The following DENND5B variants were observed in gnomAD, a reference collection of about 807,000 sequenced individuals.
DENND5B encodes the protein DENN domain-containing protein 5B.
Under a neutral mutation model 140.6 loss-of-function variants are expected in DENND5B, and 34 were observed. That is an observed-to-expected ratio of 0.24 (90% CI 0.18 to 0.32). The LOEUF is 0.32. Among genes scored for constraint, DENND5B ranks in the 10% least tolerant of loss-of-function variants. The probability of loss-of-function intolerance (pLI) is 1.00; values close to 1 mark genes in which losing one functional copy is unlikely to be tolerated. For missense variants in DENND5B, 1,142 were observed against 1,560.2 expected, an observed-to-expected ratio of 0.73 and a Z score of 4.52; for synonymous variants, 551 against 562.1, an observed-to-expected ratio of 0.98 and a Z score of 0.28.
intron 1 of DENND5B, among the ~76,000 whole-genome samples, chr12:31,523,030 G>A (rs1227996236): frequency 1.3e-5 from 2 of 151,718 alleles, no homozygotes; most frequent in Non-Finnish European, 2.9e-5. Context: ...GAATAGGAGG[G>A]AAGGTGAGAT....
chr12:31,392,192 C>A, intron 19 of DENND5B, 75 bp downstream of exon 19: 1 of 1,535,214 alleles, frequency 6.5e-7, no homozygotes, highest in Non-Finnish European at 8.9e-7. Flanking sequence ...CCCTTATTCA[C>A]TCAGATTCCT....
rs12821800 is a variant in DENND5B, at chr12:31,456,199, G to A, written c.1093-3723C>T. On this transcript the variant is annotated intron_variant, in intron 4 of 20. Coordinates refer to ENST00000389082, the MANE Select transcript of DENND5B (RefSeq NM_144973.4). ...ACAAAAATTAGCGAAGTGTGGTGGC[G>A]TGCACCTGTAATCCCAGCTATTTGG... Among the ~76,000 whole-genome samples, 318 of 151,624 alleles carry A rather than the reference G, an allele frequency of 2.1e-3. 1 individual carries two copies. The highest frequency in any genetic ancestry group is 3.9e-3 in the Non-Finnish European group (264 of 67,866).
chr12:31,558,878 C>T (rs1438338613), intron 1 of DENND5B, among the ~76,000 whole-genome samples: 2 of 152,186 alleles, frequency 1.3e-5, no homozygotes, highest in African/African-American at 2.4e-5. Flanking sequence ...ATGCAACTAA[C>T]ACCATTTCAT....
In DENND5B at chr12:31,428,260, T is replaced by C. The variant is rs1358261288; in HGVS notation, c.2107-1836A>G. Among the ~76,000 whole-genome samples, 3 of 151,016 alleles carry C rather than the reference T, an allele frequency of 2.0e-5. No individual in the cohort carries two copies. The East Asian group carries it at 5.9e-4, about 30-fold the overall frequency. On this transcript the variant is annotated intron_variant, in intron 8 of 20. Coordinates refer to ENST00000389082, the MANE Select transcript of DENND5B (RefSeq NM_144973.4). ...GGGAGGCTGAGGCAGGAGAATTGCT[T>C]GAACCTGGGAGGCGGACGTTGCAAT...
chr12:31,458,286 CATACAT>C (rs138291694), intron 4 of DENND5B, among the ~76,000 whole-genome samples: 227 of 152,284 alleles, frequency 1.5e-3, no homozygotes, highest in African/African-American at 5.2e-3. Flanking sequence ...GGAAAGACAA[CATACAT>C]ATAAATTATC....
Position 31,452,327 on chromosome 12 carries a change from A to G in DENND5B, c.1242T>C (p.Ser414=). The part of the protein sequence containing the change: ...GIPPEGSLHC[S]ESTSKLKNMV... ...TATTCTTCAGTTTGCTGGTACTCTC[A>G]CTGCAATGTAGGCTGCCCTCAGGAG... Residue 414 remains serine, a synonymous_variant, in exon 5 of 21, where the codon AGT becomes AGC. Coordinates refer to ENST00000389082, the MANE Select transcript of DENND5B (RefSeq NM_144973.4). The G allele has an allele frequency of 6.2e-7, 1 of 1,613,980 alleles. No homozygotes were observed. Among genetic ancestry groups the G allele is most frequent in the Non-Finnish European group, 8.5e-7 (1 of 1,179,896 alleles).
intron 7 of DENND5B, among the ~76,000 whole-genome samples, chr12:31,441,467 C>T (rs1433431491): frequency 1.3e-5 from 2 of 151,712 alleles, no homozygotes; most frequent in Non-Finnish European, 2.9e-5. Context: ...GGATTACAGG[C>T]GTGAGCCACC....
intron 1 of DENND5B, among the ~76,000 whole-genome samples, chr12:31,567,894 C>T (rs1364156447): frequency 6.6e-6 from 1 of 152,158 alleles, no homozygotes; most frequent in Non-Finnish European, 1.5e-5. Context: ...GAGACAGGGT[C>T]TTGCTTTGTT....
chr12:31,413,414 T>C (rs1299526229), intron 13 of DENND5B, 22 bp downstream of exon 13: 22 of 1,602,346 alleles, frequency 1.4e-5, no homozygotes, highest in Admixed American at 1.7e-5. Flanking sequence ...GAAACAGAAA[T>C]GTATCAAAGA....
chr12:31,413,380 T>C, intron 13 of DENND5B, 56 bp downstream of exon 13: 1 of 1,571,974 alleles, frequency 6.4e-7, no homozygotes, highest in Non-Finnish European at 8.7e-7. Context: ...TTATGCAACT[T>C]GTTTTGTATG....
rs61732558 is a variant in DENND5B at position 31,480,184 on chromosome 12, T to G, written c.309A>C (p.Ile103=). ...DNKDPQFHSF[I]ITREDGSRTY... ...TGCGAGAACCATCTTCCCTGGTAAT[T>G]ATAAATGAGTGAAACTGGGGGTCTT... Residue 103 remains isoleucine (I), a synonymous_variant, in exon 3 of 21, where the codon ATA becomes ATC. Coordinates refer to ENST00000389082, the MANE Select transcript of DENND5B (RefSeq NM_144973.4). 9.2e-4 allele frequency: 1,473 copies of G among 1,603,088 alleles called. 10 individuals are homozygous for G. The African/African-American group carries it at 0.018, about 19-fold the overall frequency.
intron 1 of DENND5B, among the ~76,000 whole-genome samples, chr12:31,561,933 C>T (rs749711594): frequency 6.6e-6 from 1 of 152,206 alleles, no homozygotes; most frequent in Non-Finnish European, 1.5e-5. Flanking sequence ...AACAAAGTTG[C>T]AGTGAGCATC....
chr12:31,441,872 AG>A (rs1944051120), intron 7 of DENND5B, among the ~76,000 whole-genome samples: 1 of 151,636 alleles, frequency 6.6e-6, no homozygotes, highest in African/African-American at 2.4e-5. Context: ...TTGTAGAGAC[AG>A]GGTTTCGCCA....
intron 5 of DENND5B, among the ~76,000 whole-genome samples, chr12:31,449,478 A>C (rs793183): frequency 9.2e-4 from 140 of 152,220 alleles, no homozygotes; most frequent in African/African-American, 3.3e-3. Context: ...GACCCTCATA[A>C]ACTATAAAAT....
chr12:31,481,826 T>C (rs956540235), intron 2 of DENND5B, among the ~76,000 whole-genome samples: 2 of 152,098 alleles, frequency 1.3e-5, no homozygotes, highest in African/African-American at 4.8e-5. Flanking sequence ...TCTTAGCACA[T>C]CCATCTTGGA....
intron 1 of DENND5B, among the ~76,000 whole-genome samples, chr12:31,568,105 T>C (rs1031796780): frequency 1.3e-5 from 2 of 152,150 alleles, no homozygotes; most frequent in Non-Finnish European, 2.9e-5. Context: ...TGCTCCAAAA[T>C]CTGAAATTTT....
intron 1 of DENND5B, among the ~76,000 whole-genome samples, chr12:31,557,265 C>A (rs904690304): frequency 1.3e-5 from 2 of 152,178 alleles, no homozygotes; most frequent in Admixed American, 1.3e-4. Flanking sequence ...TAGTAGTTAT[C>A]TCTAAACAGT....
chr12:31,462,958 GA>G (rs568620155), intron 3 of DENND5B, among the ~76,000 whole-genome samples: 2 of 147,402 alleles, frequency 1.4e-5, no homozygotes, highest in Admixed American at 6.8e-5. Flanking sequence ...CTCCGTCTCA[GA>G]AAAAAAAACA....
intron 2 of DENND5B, among the ~76,000 whole-genome samples, chr12:31,488,261 C>T (rs1946388258): frequency 6.6e-6 from 1 of 151,998 alleles, no homozygotes; most frequent in African/African-American, 2.4e-5. Flanking sequence ...CAGTGTGAGC[C>T]ACAGTGCCTG....
Sources: gnomAD v4.1 joint callset for allele counts (sites outside exome capture counted in the v4.1 genomes callset) on GRCh38, gnomAD v4.1.1 for gene constraint, MANE v1.5 for transcripts, NCBI Gene and HGNC (gene_info 2026-07-23, HGNC 2026-07-21) for gene names.